Variants in FAT2 observed in about 807,000 individuals in gnomAD.
The protein encoded by FAT2 is protocadherin Fat 2.
In FAT2, 150 loss-of-function variants were observed where a neutral mutation model predicts 295.3. The ratio of observed to expected loss-of-function variants is 0.51; its 90% CI spans 0.44 to 0.58. The LOEUF is 0.58. Among genes scored for constraint, FAT2 ranks in the 20% least tolerant of loss-of-function variants. The probability of loss-of-function intolerance (pLI) is 0.00; values close to 1 mark genes in which losing one functional copy is unlikely to be tolerated. For missense variants in FAT2, 4,868 were observed against 5,442.7 expected, an observed-to-expected ratio of 0.89 and a Z score of 3.32; for synonymous variants, 2,026 against 2,150.3, an observed-to-expected ratio of 0.94 and a Z score of 1.60.
At position 151,542,413 on chromosome 5, in the gene FAT2, C is replaced by G. The variant is rs201081583; in HGVS notation, c.8714G>C (p.Arg2905Pro). 3 of 1,614,148 alleles carry G rather than the reference C, an allele frequency of 1.9e-6. No individual in the cohort carries two copies. The highest frequency in any genetic ancestry group is 2.5e-6 in the Non-Finnish European group (3 of 1,180,036). Residue 2905 changes from arginine to proline, a missense_variant, in exon 10 of 24, where the codon CGA (arginine) becomes CCA (proline). Physicochemically the swap from Arg to Pro is moderately radical, Grantham distance 103. Transcript: ENST00000261800. ...SITDENDNAP[R>P]FASEEYRGSV... ...TCCTCTGTACTCTTCAGAAGCAAAT[C>G]GGGGAGCATTGTCATTCTCATCTGT...
intron 1 of FAT2, among the ~76,000 whole-genome samples, chr5:151,587,168 A>G (rs1759209288): frequency 6.6e-6 from 1 of 151,134 alleles, no homozygotes; most frequent in Non-Finnish European, 1.5e-5. Context: ...AAACAAAACA[A>G]AAAAAAAACA....
Position 151,525,827 on chromosome 5 carries a change from G to T in FAT2, c.10447C>A (p.Leu3483Met), listed in dbSNP as rs1464369417. Residue 3483 changes from leucine (L) to methionine (M), a missense_variant, in exon 18 of 24, where the codon CTG becomes ATG. Physicochemically the swap from Leu to Met is conservative, Grantham distance 15 (BLOSUM62 2). Transcript: ENST00000261800. ...CTGCTTAGGCCCTCAGCAGTCACCA[G>T]CCATCCATCCGGGGTCACTCGGAAG... Reference protein sequence around the residue: ...SAFRVTPDGWLVTAEGLSRRA... With the variant: ...SAFRVTPDGWMVTAEGLSRRA... 2.5e-6 allele frequency: 4 copies of T among 1,614,020 alleles called. No individual in the cohort carries two copies. Among genetic ancestry groups the T allele is most frequent in the African/African-American group, 1.3e-5 (1 of 74,906 alleles).
intron 12 of FAT2, among the ~76,000 whole-genome samples, chr5:151,534,970 A>AAT (rs138459865): frequency 0.1 from 11,149 of 106,418 alleles, 1,044 homozygotes; most frequent in South Asian, 0.12. Flanking sequence ...CTTCTAGGAA[A>AAT]ATATATATAT....
Position 151,545,110 on chromosome 5 carries a change from A to G in FAT2, c.6017T>C (p.Leu2006Ser). The G allele has an allele frequency of 1.2e-6, 2 of 1,614,192 alleles. No homozygotes were observed. ...CATATGAAACATATCTGTGCCATTC[A>G]AGAGAAAGTAGGAAAGGGTGTCATT... ...HLNDTLSYFL[L>S]NGTDMFHMVQ... Residue 2006 changes from leucine to serine, a missense_variant, in exon 10 of 24, where the codon TTG (leucine) becomes TCG (serine). Physicochemically the swap from Leu to Ser is moderately radical, Grantham distance 145. Around this residue, in one of 5 missense-constraint regions of FAT2, gnomAD observed 3,297 missense variants for 3,669.4 expected, o/e 0.90. Coordinates refer to ENST00000261800, the MANE Select transcript of FAT2 (RefSeq NM_001447.3).
chr5:151,589,230 TC>T, intron 1 of FAT2, among the ~76,000 whole-genome samples: 1 of 151,750 alleles, frequency 6.6e-6, no homozygotes, highest in Non-Finnish European at 1.5e-5. Context: ...CAACTCCATC[TC>T]CCCCCAGACA....
chr5:151,505,815 CAG>C lies in FAT2; in HGVS notation c.12798_12799del (p.Cys4267SerfsTer3), dbSNP rs750656516. The C allele has an allele frequency of 5.2e-5, 84 of 1,613,542 alleles. No homozygotes were observed. The highest frequency in any genetic ancestry group is 1.6e-4 in the Middle Eastern group (1 of 6,082). On this transcript the variant is annotated frameshift_variant, in exon 24 of 24. Transcript: ENST00000261800. LOFTEE classifies it high-confidence loss of function. ...GCTGATGGCCGTGTACTCATTGAGA[CAG>C]GGGGCAACCAGGCGCTCCCGGGGAC... is the stretch of plus-strand genomic sequence containing the variant.
intron 1 of FAT2, among the ~76,000 whole-genome samples, chr5:151,575,744 C>T (rs559272546): frequency 1.3e-5 from 2 of 152,284 alleles, no homozygotes; most frequent in East Asian, 1.9e-4. Context: ...GGAAGAGAGA[C>T]ATCCCAGAGG....
intron 8 of FAT2, among the ~76,000 whole-genome samples, chr5:151,550,234 ACC>A (rs1371938654): frequency 6.6e-6 from 1 of 151,912 alleles, no homozygotes; most frequent in Non-Finnish European, 1.5e-5. Flanking sequence ...TGCTGGCCTG[ACC>A]CTAGTCCTTG....
rs747669953 is a variant in FAT2 at position 151,521,756 on chromosome 5, C to T, written c.10837G>A (p.Ala3613Thr). 9 of 1,614,104 alleles carry T rather than the reference C, an allele frequency of 5.6e-6. No individual in the cohort carries two copies. Among genetic ancestry groups the T allele is most frequent in the Non-Finnish European group, 7.6e-6 (9 of 1,180,036 alleles). ...TGCCACACGTACACATGGACCCCAG[C>T]AGTCGTGGTGAAGGTCCCATCGCTG... ...TVSDGTFTTT[A>T]GVHVYVWHVG... The change falls in exon 19 of 24, where the codon GCT becomes ACT. Residue 3613 changes from alanine (A) to threonine (T), a missense_variant. By Grantham distance (58) the Ala-to-Thr change is moderately conservative (BLOSUM62 0). This residue lies in a region of FAT2 where 1,046 missense variants were observed against 1,210.1 expected (regional missense o/e 0.86). Coordinates refer to ENST00000261800, the MANE Select transcript of FAT2 (RefSeq NM_001447.3).
In FAT2 at chr5:151,543,765, T is replaced by C. The variant is rs777940907; in HGVS notation, c.7362A>G (p.Val2454=). ...KHLDSSYNLR[V]GASDGVFRAT... ...CTCGGAAGACTCCATCAGAAGCACC[T>C]ACCCTCAAATTGTAAGAAGAGTCCA... The change falls in exon 10 of 24, where the codon GTA becomes GTG. Residue 2454 remains valine, a synonymous_variant. Transcript: ENST00000261800. 5.6e-6 allele frequency: 9 copies of C among 1,614,220 alleles called. No individual in the cohort carries two copies. In the South Asian group the frequency reaches 9.9e-5, roughly 18 times the overall value.
chr5:151,505,216 C>G lies in FAT2; in HGVS notation c.*349G>C, dbSNP rs759035944. The stretch of plus-strand genomic sequence containing the variant: ...ATGCATCTTGGTGAAGTTGAGCCAG[C>G]ACAGTCAATCAGGCTCTGCCCCGGG... On this transcript the variant is annotated 3_prime_UTR_variant, in exon 24 of 24. Transcript: ENST00000261800. The G allele has an allele frequency of 5.3e-6, 2 of 380,100 alleles. No individual in the cohort carries two copies. The highest frequency in any genetic ancestry group is 4.2e-5 in the African/African-American group (2 of 47,548). 23.5% of individuals were successfully genotyped at this position (380,100 alleles called of 1,614,324 possible).
Position 151,542,944 on chromosome 5 carries a change from C to T in FAT2, c.8183G>A (p.Arg2728Gln), listed in dbSNP as rs138808784. The change falls in exon 10 of 24, where the codon CGG becomes CAG. Residue 2728 changes from arginine (R) to glutamine (Q), a missense_variant. By Grantham distance (43) the Arg-to-Gln change is conservative. Around this residue, in one of 5 missense-constraint regions of FAT2, gnomAD observed 3,297 missense variants for 3,669.4 expected, o/e 0.90. Transcript: ENST00000261800. ...AQDPVIYSLV[R>Q]GTTPESNKDG... ...CTTGTTGCTCTCAGGTGTAGTGCCCCGCACTAGACTGTAGATGACTGGATC... is the reference window on the plus strand; with the variant it reads ...CTTGTTGCTCTCAGGTGTAGTGCCCTGCACTAGACTGTAGATGACTGGATC... 173 of 1,614,164 alleles carry T rather than the reference C, an allele frequency of 1.1e-4. No homozygotes were observed. The highest frequency in any genetic ancestry group is 6.0e-4 in the Admixed American group (36 of 60,020).
chr5:151,544,360 G>C lies in FAT2; in HGVS notation c.6767C>G (p.Ala2256Gly). ...TDTALGSFSE[A>G]TVEVLVEDVN... The stretch of plus-strand genomic sequence containing the variant: ...ATCCTCCACTAGGACTTCCACTGTG[G>C]CTTCAGAAAATGACCCCAGAGCTGT... Residue 2256 changes from alanine (A) to glycine (G), a missense_variant, in exon 10 of 24, where the codon GCC becomes GGC. Physicochemically the swap from Ala to Gly is moderately conservative, Grantham distance 60. Coordinates refer to ENST00000261800, the MANE Select transcript of FAT2 (RefSeq NM_001447.3). 1 of 1,614,180 alleles carries C rather than the reference G, an allele frequency of 6.2e-7. No homozygotes were observed. The highest frequency in any genetic ancestry group is 8.5e-7 in the Non-Finnish European group (1 of 1,180,028).
At chr5:151,560,580 A>T (rs1037729191) in intron 3 of FAT2, among the ~76,000 whole-genome samples, 9 of 152,162 alleles carry the variant, frequency 5.9e-5, no homozygotes, top group African/African-American at 1.9e-4. Context: ...TTGCAGATCC[A>T]CCACCCAGAG....
At chr5:151,573,872 T>C (rs997697790) in intron 1 of FAT2, among the ~76,000 whole-genome samples, 6 of 152,118 alleles carry the variant, frequency 3.9e-5, no homozygotes, top group Admixed American at 1.3e-4. Flanking sequence ...GTCCAACTCA[T>C]TGATAAAAGT....
At chr5:151,589,547 C>T (rs1759316947) in intron 1 of FAT2, among the ~76,000 whole-genome samples, 1 of 152,204 alleles carries the variant, frequency 6.6e-6, no homozygotes, top group African/African-American at 2.4e-5. Context: ...CAAGGTTCTT[C>T]ATCAGCAAGA....
chr5:151,579,095 G>A (rs1758849009), intron 1 of FAT2, among the ~76,000 whole-genome samples: 1 of 152,150 alleles, frequency 6.6e-6, no homozygotes, highest in African/African-American at 2.4e-5. Flanking sequence ...GTAGGAGGGA[G>A]GCAAAATAGG....
chr5:151,585,577 A>T (rs1759136391), intron 1 of FAT2, among the ~76,000 whole-genome samples: 1 of 152,192 alleles, frequency 6.6e-6, no homozygotes, highest in Non-Finnish European at 1.5e-5. Context: ...GCATCATTGC[A>T]CTCCAGCCTG....
In FAT2 at chr5:151,527,981, T is replaced by C; in HGVS notation, c.10164+15A>G. On this transcript the variant is annotated intron_variant, in intron 16 of 23. Coordinates refer to ENST00000261800, the MANE Select transcript of FAT2 (RefSeq NM_001447.3). The stretch of plus-strand genomic sequence containing the variant: ...CTCTAATGAGCTCAGGGTGCGCCCC[T>C]CCCACATGACTCACCTGTTCCCGGT... 6.2e-7 allele frequency: 1 copy of C among 1,613,336 alleles called. No homozygotes were observed. Among genetic ancestry groups the C allele is most frequent in the Non-Finnish European group, 8.5e-7 (1 of 1,179,762 alleles).
Sources: allele counts gnomAD v4.1 joint callset (sites outside exome capture counted in the v4.1 genomes callset), GRCh38; gene constraint gnomAD v4.1.1; regional missense constraint gnomAD v4.1.1; transcripts MANE v1.5; gene names NCBI Gene and HGNC (gene_info 2026-07-23, HGNC 2026-07-21).